The following MAP2K5 variants were observed in gnomAD, a reference collection of about 807,000 sequenced individuals.
The protein encoded by MAP2K5 is mitogen-activated protein kinase kinase 5, also known as dual specificity mitogen-activated protein kinase kinase 5.
Under a neutral mutation model 83.1 loss-of-function variants are expected in MAP2K5, and 49 were observed. The ratio of observed to expected loss-of-function variants is 0.59; its 90% CI spans 0.47 to 0.75. The LOEUF is 0.75. Among genes scored for constraint, MAP2K5 ranks in the 30% least tolerant of loss-of-function variants. The pLI, the probability that MAP2K5 is intolerant of heterozygous loss-of-function variation, is 0.00. For synonymous variants in MAP2K5, 202 were observed against 191.8 expected (o/e 1.05, Z -0.44); for missense variants, 457 against 557.5 (o/e 0.82, Z 1.82).
intron 8 of MAP2K5, among the ~76,000 whole-genome samples, chr15:67,602,554 G>A (rs777602629): frequency 6.8e-4 from 104 of 152,224 alleles, no homozygotes; most frequent in Admixed American, 2.6e-3. Context: ...TTTCTAGAAG[G>A]GAAGAAGCAT....
chr15:67,622,825 G>A (rs1340230180), intron 8 of MAP2K5, among the ~76,000 whole-genome samples: 4 of 152,178 alleles, frequency 2.6e-5, no homozygotes, highest in Admixed American at 1.3e-4. Context: ...TGGGCTGGGC[G>A]TGGTGGCTTA....
At chr15:67,641,777 G>C in intron 9 of MAP2K5, 1 of 243,374 alleles carries the variant, frequency 4.1e-6, no homozygotes, top group Non-Finnish European at 6.6e-6. Context: ...CAGGGAGTCC[G>C]TACTTTCCTT....
chr15:67,631,815 G>A (rs539715161), intron 9 of MAP2K5, among the ~76,000 whole-genome samples: 5 of 152,198 alleles, frequency 3.3e-5, no homozygotes, highest in South Asian at 2.1e-4. Flanking sequence ...CTTGAATTGC[G>A]CTTCTGACTG....
chr15:67,714,541 C>T (rs192116528), intron 16 of MAP2K5, among the ~76,000 whole-genome samples: 2 of 150,518 alleles, frequency 1.3e-5, no homozygotes, highest in East Asian at 3.9e-4. Context: ...TGAACTGGTC[C>T]GAGGGGTGAC....
intron 21 of MAP2K5, among the ~76,000 whole-genome samples, chr15:67,798,379 C>A (rs911897773): frequency 2.0e-5 from 3 of 152,228 alleles, no homozygotes; most frequent in Admixed American, 2.0e-4. Context: ...ACAATTCTGC[C>A]ATTCACAAGG....
intron 13 of MAP2K5, chr15:67,679,784 G>A (rs2087770217): frequency 6.6e-6 from 1 of 152,158 alleles, no homozygotes; most frequent in African/African-American, 2.4e-5. Context: ...ATGGTAATGA[G>A]AAATCAAGTT....
At chr15:67,625,394 T>C (rs906932579) in intron 8 of MAP2K5, among the ~76,000 whole-genome samples, 1 of 152,204 alleles carries the variant, frequency 6.6e-6, no homozygotes. Context: ...ACTAAAAATA[T>C]CTCATAAAAA....
intron 21 of MAP2K5, among the ~76,000 whole-genome samples, chr15:67,791,395 G>A (rs2090515910): frequency 6.6e-6 from 1 of 152,084 alleles, no homozygotes; most frequent in Admixed American, 6.5e-5. Context: ...ACTGACCTGT[G>A]AAGGCCAAGA....
Position 67,749,610 on chromosome 15 carries a change from T to C in MAP2K5, c.1134+1009T>C, listed in dbSNP as rs1253820495. Among the ~76,000 whole-genome samples the C allele has an allele frequency of 6.6e-6, 1 of 152,118 alleles. No individual in the cohort carries two copies. The highest frequency in any genetic ancestry group is 1.5e-5 in the Non-Finnish European group (1 of 68,034). On this transcript the variant is annotated intron_variant, in intron 19 of 21. Transcript: ENST00000178640. This position sits in a 1 kb window ranked among gnomAD's most constrained non-coding sequence, Gnocchi z 4.6. ...AACACACACACACATATCACAATAA[T>C]AGTAAGAGTGGGGCTCTAACATCCT...
At chr15:67,727,869 C>T (rs2089134821) in intron 16 of MAP2K5, 47 bp from the exon 17 acceptor site, 2 of 1,437,036 alleles carry the variant, frequency 1.4e-6, no homozygotes, top group Non-Finnish European at 2.0e-6. Context: ...AGGAGATCTG[C>T]CCTGCATGCA....
chr15:67,788,147 A>G (rs1176611404), intron 21 of MAP2K5, among the ~76,000 whole-genome samples: 4 of 152,200 alleles, frequency 2.6e-5, no homozygotes, highest in South Asian at 4.1e-4. Flanking sequence ...ATGTTGATTT[A>G]TATGTAATTA....
intron 15 of MAP2K5, among the ~76,000 whole-genome samples, chr15:67,699,805 C>G (rs2088367290): frequency 6.6e-6 from 1 of 152,022 alleles, no homozygotes; most frequent in African/African-American, 2.4e-5. Context: ...AAGTCCTAAA[C>G]AAAACTTCTA....
chr15:67,645,777 C>A (rs1452837849), intron 9 of MAP2K5, among the ~76,000 whole-genome samples: 1 of 151,758 alleles, frequency 6.6e-6, no homozygotes, highest in Non-Finnish European at 1.5e-5. Flanking sequence ...GGCCATATAC[C>A]CCTGGCCTTC....
rs2090575923 is a variant in MAP2K5, at chr15:67,794,716, A to G, written c.1243-11930A>G. ...CCAAAGTTTTGATGTTTTGATGTCC[A>G]GTGTCTAGCAATTTTTTCCTCTGTA... On this transcript the variant is annotated intron_variant, in intron 21 of 21. Transcript: ENST00000178640. The surrounding 1 kb of genome is among the most constrained non-coding windows in gnomAD (Gnocchi z 4.6). 6.6e-6 allele frequency among the ~76,000 whole-genome samples: 1 copy of G among 151,086 alleles called. No individual in the cohort carries two copies. The highest frequency in any genetic ancestry group is 2.1e-4 in the South Asian group (1 of 4,790).
At chr15:67,673,636 T>C (rs960099552) in intron 13 of MAP2K5, among the ~76,000 whole-genome samples, 1 of 152,148 alleles carries the variant, frequency 6.6e-6, no homozygotes, top group African/African-American at 2.4e-5. Context: ...ATAAAGTGAT[T>C]CTTAAACAAA....
At chr15:67,787,487 G>A (rs2090440202) in intron 21 of MAP2K5, among the ~76,000 whole-genome samples, 1 of 152,288 alleles carries the variant, frequency 6.6e-6, no homozygotes, top group South Asian at 2.1e-4. Flanking sequence ...TTGTAGTCTT[G>A]TAAGAATTCC....
At chr15:67,635,717 T>A (rs1353874774) in intron 9 of MAP2K5, among the ~76,000 whole-genome samples, 7 of 152,128 alleles carry the variant, frequency 4.6e-5, no homozygotes, top group Admixed American at 6.5e-5. Context: ...TTGGGAGGCA[T>A]TTTAATTTTT....
chr15:67,585,443 T>G (rs1402882389), intron 4 of MAP2K5, among the ~76,000 whole-genome samples: 1 of 152,238 alleles, frequency 6.6e-6, no homozygotes, highest in Non-Finnish European at 1.5e-5. Flanking sequence ...AACTAGAATG[T>G]TCCATCGTAG....
At chr15:67,727,889 C>T (rs2089135639) in intron 16 of MAP2K5, 27 bp from the exon 17 acceptor site, 1 of 1,592,842 alleles carries the variant, frequency 6.3e-7, no homozygotes. Flanking sequence ...AAATCTATAA[C>T]TAGACAAATA....
Sources: allele counts gnomAD v4.1 joint callset (sites outside exome capture counted in the v4.1 genomes callset), GRCh38; gene constraint gnomAD v4.1.1; non-coding constraint Gnocchi (gnomAD v3.1); transcripts MANE v1.5; gene names NCBI Gene and HGNC (gene_info 2026-07-23, HGNC 2026-07-21).